BBOX1: variants seen among roughly 807,000 people sequenced by gnomAD.
BBOX1 encodes gamma-butyrobetaine hydroxylase 1.
In BBOX1, 35 loss-of-function variants were observed where a neutral mutation model predicts 41.6. The observed-to-expected ratio is 0.84, with a 90% CI of 0.64 to 1.11. The LOEUF (loss-of-function observed/expected upper bound fraction) is 1.11. BBOX1 is among the 50% of genes most tolerant of loss of function. BBOX1 has a pLI of 0.00. For missense variants in BBOX1, 458 were observed against 460.6 expected, an observed-to-expected ratio of 0.99 and a Z score of 0.05; for synonymous variants, 163 against 154.7, an observed-to-expected ratio of 1.05 and a Z score of -0.40.
intron 2 of BBOX1, among the ~76,000 whole-genome samples, chr11:27,052,782 G>A (rs2133955177): frequency 6.6e-6 from 1 of 152,210 alleles, no homozygotes; most frequent in Non-Finnish European, 1.5e-5. Flanking sequence ...CTGGTAAAGT[G>A]TTTTCACAGA....
chr11:27,042,685 T>C (rs973910277), intron 2 of BBOX1, among the ~76,000 whole-genome samples: 2 of 152,158 alleles, frequency 1.3e-5, no homozygotes, highest in African/African-American at 4.8e-5. Flanking sequence ...GAGAATATAT[T>C]CACAAATTGT....
chr11:27,054,422 T>TATA (rs1190474749), intron 2 of BBOX1, among the ~76,000 whole-genome samples: 1 of 152,196 alleles, frequency 6.6e-6, no homozygotes, highest in African/African-American at 2.4e-5. Context: ...CACGTAAGTT[T>TATA]AGAGTGCTGG....
chr11:27,066,565 G>A (rs1283448123), intron 4 of BBOX1: 2 of 150,776 alleles, frequency 1.3e-5, no homozygotes, highest in East Asian at 3.9e-4. Context: ...TGGAGTTGCA[G>A]TTATCTTCAG....
chr11:27,106,649 C>G (rs1013561315), intron 5 of BBOX1, among the ~76,000 whole-genome samples: 2 of 152,092 alleles, frequency 1.3e-5, no homozygotes, highest in Admixed American at 1.3e-4. Flanking sequence ...GAGACTTTAA[C>G]ACCCCACTGT....
At chr11:27,064,103 C>T (rs1857213188) in intron 4 of BBOX1, among the ~76,000 whole-genome samples, 1 of 152,112 alleles carries the variant, frequency 6.6e-6, no homozygotes, top group Admixed American at 6.5e-5. Flanking sequence ...CTTGAATTCT[C>T]AGAGGTGGGA....
intron 7 of BBOX1, among the ~76,000 whole-genome samples, chr11:27,121,283 G>A (rs1016793847): frequency 1.3e-5 from 2 of 152,162 alleles, no homozygotes; most frequent in African/African-American, 2.4e-5. Context: ...GCAAGTATTA[G>A]GGGAGGAAGT....
chr11:27,073,666 T>C (rs1166531381), intron 4 of BBOX1, among the ~76,000 whole-genome samples: 1 of 152,144 alleles, frequency 6.6e-6, no homozygotes, highest in African/African-American at 2.4e-5. Context: ...CCAACCCAAA[T>C]GTCCATCAAT....
At chr11:27,121,103 G>T (rs1194732441) in intron 7 of BBOX1, among the ~76,000 whole-genome samples, 2 of 152,142 alleles carry the variant, frequency 1.3e-5, no homozygotes, top group Non-Finnish European at 2.9e-5. Context: ...CGTGGTGAGG[G>T]AAAGCTTTAC....
At chr11:27,111,413 A>T (rs780895369) in intron 5 of BBOX1, among the ~76,000 whole-genome samples, 12 of 152,004 alleles carry the variant, frequency 7.9e-5, no homozygotes, top group African/African-American at 2.9e-4. Flanking sequence ...GTATCTGGGG[A>T]TGGGATCAAT....
In BBOX1 at chr11:27,055,396, G is replaced by A; in HGVS notation, c.-35G>A. 3 of 1,595,862 alleles carry A rather than the reference G, an allele frequency of 1.9e-6. No individual in the cohort carries two copies. The highest frequency in any genetic ancestry group is 2.6e-6 in the Non-Finnish European group (3 of 1,165,678). On this transcript the variant is annotated 5_prime_UTR_variant, in exon 3 of 9. Transcript: ENST00000263182. ...TTTTAACACTGATTTGTCATAGCAGGTAGCTGACAGCATCTACTCCTGAAG... is the reference window on the plus strand; with the variant it reads ...TTTTAACACTGATTTGTCATAGCAGATAGCTGACAGCATCTACTCCTGAAG...
chr11:27,071,075 C>T (rs576522498), intron 4 of BBOX1, among the ~76,000 whole-genome samples: 19 of 152,124 alleles, frequency 1.2e-4, no homozygotes, highest in African/African-American at 4.6e-4. Flanking sequence ...CAATTATTCT[C>T]TTTAAAGAGA....
chr11:27,083,270 A>C (rs542518489), intron 4 of BBOX1, among the ~76,000 whole-genome samples: 145 of 152,268 alleles, frequency 9.5e-4, no homozygotes, highest in Non-Finnish European at 1.8e-3. Flanking sequence ...GTTGGGCTAC[A>C]CAAGTTGGGG....
intron 4 of BBOX1, among the ~76,000 whole-genome samples, chr11:27,080,887 G>T (rs924361535): frequency 6.6e-6 from 1 of 152,088 alleles, no homozygotes; most frequent in African/African-American, 2.4e-5. Flanking sequence ...AGCTGCTTTG[G>T]TTCAAGTGAA....
At chr11:27,050,137 G>C (rs1851626320) in intron 2 of BBOX1, among the ~76,000 whole-genome samples, 1 of 152,064 alleles carries the variant, frequency 6.6e-6, no homozygotes, top group Non-Finnish European at 1.5e-5. Flanking sequence ...GTGTTCTTGG[G>C]ATCTTTGTCA....
intron 7 of BBOX1, 90 bp from the exon 8 acceptor site, chr11:27,125,564 T>A: frequency 8.6e-7 from 1 of 1,156,746 alleles, no homozygotes; most frequent in Non-Finnish European, 1.2e-6. Context: ...ATATGGTGTT[T>A]CAAAAATATA....
intron 5 of BBOX1, among the ~76,000 whole-genome samples, chr11:27,098,935 G>C (rs1564979335): frequency 6.6e-6 from 1 of 151,836 alleles, no homozygotes; most frequent in East Asian, 1.9e-4. Context: ...CTGTCATGTT[G>C]AGCTTCTTAT....
chr11:27,061,384 A>C (rs564175281), intron 4 of BBOX1, among the ~76,000 whole-genome samples: 2 of 152,222 alleles, frequency 1.3e-5, no homozygotes, highest in Non-Finnish European at 2.9e-5. Context: ...AAATATTTTA[A>C]TAGTTTAAAA....
chr11:27,093,386 G>C lies in BBOX1; in HGVS notation c.533+20G>C. 2 of 1,608,964 alleles carry C rather than the reference G, an allele frequency of 1.2e-6. No individual in the cohort carries two copies. The highest frequency in any genetic ancestry group is 1.7e-6 in the Non-Finnish European group (2 of 1,176,296). On this transcript the variant is annotated intron_variant, in intron 5 of 8. Coordinates refer to ENST00000263182, the MANE Select transcript of BBOX1 (RefSeq NM_003986.3). ...TTATGGGTGAGTCACCAAATGGTTT[G>C]TATTCTGCCATCACAGATAAGGTTT...
At chr11:27,099,716 T>C (rs1858575175) in intron 5 of BBOX1, among the ~76,000 whole-genome samples, 1 of 152,102 alleles carries the variant, frequency 6.6e-6, no homozygotes. Context: ...GAAGTCGATC[T>C]GAGCTTTTCA....
Sources: gnomAD v4.1 joint callset for allele counts (sites outside exome capture counted in the v4.1 genomes callset) on GRCh38, gnomAD v4.1.1 for gene constraint, MANE v1.5 for transcripts, NCBI Gene and HGNC (gene_info 2026-07-23, HGNC 2026-07-21) for gene names.